The following RBFOX1 variants were observed in gnomAD, a reference collection of about 807,000 sequenced individuals.
The protein encoded by RBFOX1 is RNA binding fox-1 homolog 1.
A neutral mutation model predicts 57.7 loss-of-function variants in RBFOX1; 8 were observed. The observed-to-expected ratio is 0.14, with a 90% CI of 0.08 to 0.25. The LOEUF is 0.25. Ranked by LOEUF, RBFOX1 falls within the 10% of genes least tolerant of loss-of-function variation. RBFOX1 has a pLI of 1.00. For missense variants in RBFOX1, 611 were observed against 548.5 expected (o/e 1.11, Z -1.14); for synonymous variants, 326 against 222.4 (o/e 1.47, Z -4.15).
At chr16:7,234,606 G>A (rs2093675126) in intron 4 of RBFOX1, among the ~76,000 whole-genome samples, 1 of 150,512 alleles carries the variant, frequency 6.6e-6, no homozygotes, top group African/African-American at 2.4e-5. Flanking sequence ...GTGTGTGTGT[G>A]TGTATATATA....
intron 1 of RBFOX1, among the ~76,000 whole-genome samples, chr16:6,231,831 G>GTTTTTTTT (rs34438828): frequency 4.8e-4 from 59 of 123,594 alleles, no homozygotes; most frequent in Middle Eastern, 5.0e-3. Flanking sequence ...TAGCTTTCCA[G>GTTTTTTTT]TTTTTTTTTT....
chr16:7,113,180 C>G (rs1026727833), intron 4 of RBFOX1, among the ~76,000 whole-genome samples: 2 of 152,130 alleles, frequency 1.3e-5, no homozygotes, highest in African/African-American at 4.8e-5. Flanking sequence ...TACACAGATA[C>G]ATAAATACAT....
At chr16:5,685,518 G>T (rs1490180179) in intron 3 of RBFOX1, among the ~76,000 whole-genome samples, 3 of 152,224 alleles carry the variant, frequency 2.0e-5, no homozygotes, top group Non-Finnish European at 4.4e-5. Flanking sequence ...CATTCATTAA[G>T]TTATCACAGG....
chr16:5,467,357 G>A, intron 2 of RBFOX1: 1 of 1,139,326 alleles, frequency 8.8e-7, no homozygotes, highest in Non-Finnish European at 1.3e-6. Context: ...CACTGCCCAG[G>A]GCAGACATCT....
At chr16:5,825,570 G>C (rs1356841484) in intron 3 of RBFOX1, among the ~76,000 whole-genome samples, 1 of 152,144 alleles carries the variant, frequency 6.6e-6, no homozygotes, top group East Asian at 1.9e-4. Context: ...TAAAAACCAT[G>C]TAACATAAAA....
intron 10 of RBFOX1, among the ~76,000 whole-genome samples, chr16:7,628,682 G>A (rs896372411): frequency 1.3e-5 from 2 of 151,904 alleles, no homozygotes; most frequent in South Asian, 2.1e-4. Context: ...GCGTGATCTC[G>A]GCTTACTGCA....
intron 3 of RBFOX1, among the ~76,000 whole-genome samples, chr16:6,993,758 A>G (rs1207048760): frequency 6.6e-6 from 1 of 152,246 alleles, no homozygotes; most frequent in Non-Finnish European, 1.5e-5. Flanking sequence ...GGCATGGGGC[A>G]GGGGAGATCA....
chr16:7,039,979 C>G (rs563303550), intron 3 of RBFOX1, among the ~76,000 whole-genome samples: 2 of 151,050 alleles, frequency 1.3e-5, no homozygotes, highest in South Asian at 2.1e-4. Flanking sequence ...TACATTTACT[C>G]TTTTGGTGCT....
At chr16:6,197,696 A>G (rs1452385516) in intron 1 of RBFOX1, among the ~76,000 whole-genome samples, 1 of 151,682 alleles carries the variant, frequency 6.6e-6, no homozygotes, top group African/African-American at 2.4e-5. Context: ...TTATATAGAT[A>G]AAGTCATGTC....
chr16:6,528,783 G>C (rs2096616622), intron 2 of RBFOX1, among the ~76,000 whole-genome samples: 1 of 152,110 alleles, frequency 6.6e-6, no homozygotes, highest in Non-Finnish European at 1.5e-5. Flanking sequence ...GCAGCACCTT[G>C]CTTCAACCCA....
At position 6,712,632 on chromosome 16, in the gene RBFOX1, A is replaced by G. The variant is rs554376102; in HGVS notation, c.-16+57982A>G. 5.6e-4 allele frequency among the ~76,000 whole-genome samples: 85 copies of G among 152,274 alleles called. 1 individual carries two copies. The highest frequency in any genetic ancestry group is 1.9e-3 in the African/African-American group (80 of 41,574). On this transcript the variant is annotated intron_variant, in intron 3 of 15. Transcript: ENST00000550418. ...TCATTCCTTTATTCAGAAAATGTTT[A>G]TTAGGTCCTATCATGGCGTAGGCAC...
intron 3 of RBFOX1, among the ~76,000 whole-genome samples, chr16:6,855,763 T>C (rs879500640): frequency 4.0e-5 from 6 of 151,666 alleles, no homozygotes; most frequent in Non-Finnish European, 7.4e-5. Context: ...CCCTTGGAAG[T>C]TTTATCCTCT....
At chr16:6,098,627 T>C (rs550026319) in intron 1 of RBFOX1, among the ~76,000 whole-genome samples, 48 of 152,360 alleles carry the variant, frequency 3.2e-4, no homozygotes, top group African/African-American at 1.0e-3. Flanking sequence ...GCACATTCTC[T>C]GTATTATCTT....
intron 3 of RBFOX1, among the ~76,000 whole-genome samples, chr16:5,657,158 G>A (rs77914727): frequency 2.8e-3 from 433 of 152,236 alleles, no homozygotes; most frequent in African/African-American, 9.9e-3. Context: ...CTTGATTGGG[G>A]ACCTATTTAT....
Position 6,522,591 on chromosome 16 carries a change from G to T in RBFOX1, c.-63-132012G>T, listed in dbSNP as rs1226657803. The stretch of plus-strand genomic sequence containing the variant: ...TGACAGGAAAGTGTGAGGGTGGCTT[G>T]TAAAGTTAAATATGACCTGTTCAGA... On this transcript the variant is annotated intron_variant, in intron 2 of 15. Coordinates refer to ENST00000550418, the MANE Select transcript of RBFOX1 (RefSeq NM_018723.4). 5.9e-5 allele frequency among the ~76,000 whole-genome samples: 9 copies of T among 152,196 alleles called. No individual in the cohort carries two copies. In the South Asian group the frequency reaches 1.7e-3, roughly 28 times the overall value.
intron 3 of RBFOX1, among the ~76,000 whole-genome samples, chr16:5,683,246 T>C (rs1181348426): frequency 1.3e-5 from 2 of 152,092 alleles, no homozygotes; most frequent in Non-Finnish European, 1.5e-5. Flanking sequence ...AAAATAGTAA[T>C]GTGCAGGTCT....
At chr16:6,828,974 C>T (rs1056741695) in intron 3 of RBFOX1, among the ~76,000 whole-genome samples, 14 of 150,130 alleles carry the variant, frequency 9.3e-5, no homozygotes, top group Non-Finnish European at 1.5e-4. Flanking sequence ...GTACTTTTCC[C>T]GTTGTTATAA....
chr16:6,082,814 C>G (rs1051272068), intron 1 of RBFOX1, among the ~76,000 whole-genome samples: 3 of 152,094 alleles, frequency 2.0e-5, no homozygotes, highest in African/African-American at 7.2e-5. Flanking sequence ...CAGGGCCTAC[C>G]TTACATAGCT....
At chr16:6,597,877 G>T (rs1420070) in intron 2 of RBFOX1, among the ~76,000 whole-genome samples, 12,228 of 152,130 alleles carry the variant, frequency 0.08, 854 homozygotes, top group East Asian at 0.39. Flanking sequence ...GGCCATCTTG[G>T]CACCATGAAG....
Sources: allele counts gnomAD v4.1 joint callset (sites outside exome capture counted in the v4.1 genomes callset), GRCh38; gene constraint gnomAD v4.1.1; transcripts MANE v1.5; gene names NCBI Gene and HGNC (gene_info 2026-07-23, HGNC 2026-07-21).